TENM3: variants seen among roughly 807,000 people sequenced by gnomAD.
TENM3 encodes teneurin-3.
Under a neutral mutation model 255.1 loss-of-function variants are expected in TENM3, and 63 were observed. The observed-to-expected ratio is 0.25, with a 90% confidence interval of 0.20 to 0.30. The LOEUF (loss-of-function observed/expected upper bound fraction) is 0.30. TENM3 is among the 10% of genes least tolerant of loss of function. The probability of loss-of-function intolerance (pLI) is 1.00; values close to 1 mark genes in which losing one functional copy is unlikely to be tolerated. For synonymous variants in TENM3, 1,306 were observed against 1,322.3 expected (o/e 0.99, Z 0.27); for missense variants, 2,929 against 3,461.1 (o/e 0.85, Z 3.86).
intron 1 of TENM3, among the ~76,000 whole-genome samples, chr4:182,269,300 G>T (rs1759456634): frequency 6.6e-6 from 1 of 152,172 alleles, no homozygotes; most frequent in Non-Finnish European, 1.5e-5. Context: ...CCCTGAAAGG[G>T]ATTCAGATGT....
intron 27 of TENM3, among the ~76,000 whole-genome samples, chr4:182,798,056 G>A (rs1249353757): frequency 6.6e-6 from 1 of 151,968 alleles, no homozygotes; most frequent in African/African-American, 2.4e-5. Flanking sequence ...AATTGAAATG[G>A]GGTCTCACTG....
the TENM3 span, among the ~76,000 whole-genome samples, chr4:181,625,051 T>G: frequency 6.6e-6 from 1 of 152,220 alleles, no homozygotes; most frequent in Non-Finnish European, 1.5e-5. Flanking sequence ...AACTTCACTT[T>G]CCCTGCGTTT....
At chr4:181,518,358 A>C in the TENM3 span, among the ~76,000 whole-genome samples, 3 of 151,882 alleles carry the variant, frequency 2.0e-5, no homozygotes, top group East Asian at 5.8e-4. Flanking sequence ...AAGATGGTAT[A>C]TATTCTTTGC....
the TENM3 span, among the ~76,000 whole-genome samples, chr4:181,934,506 A>C: frequency 6.6e-6 from 1 of 152,170 alleles, no homozygotes; most frequent in African/African-American, 2.4e-5. Flanking sequence ...ACAAGCCATA[A>C]TGTTTATTAG....
At chr4:181,802,570 A>G in the TENM3 span, among the ~76,000 whole-genome samples, 1 of 152,242 alleles carries the variant, frequency 6.6e-6, no homozygotes, top group Non-Finnish European at 1.5e-5. Flanking sequence ...TCTGTGATCA[A>G]AAACTCAAAA....
the TENM3 span, among the ~76,000 whole-genome samples, chr4:181,540,220 C>T: frequency 6.6e-6 from 1 of 151,954 alleles, no homozygotes; most frequent in Admixed American, 6.6e-5. Context: ...GCAATTGGAG[C>T]AACGAATTAA....
the TENM3 span, among the ~76,000 whole-genome samples, chr4:182,082,287 C>A: frequency 4.4e-4 from 67 of 152,102 alleles, no homozygotes; most frequent in Non-Finnish European, 1.5e-4. Flanking sequence ...TCTCTAGGAT[C>A]TCTTTTATAA....
chr4:182,598,382 A>G (rs1747489280), intron 3 of TENM3, among the ~76,000 whole-genome samples: 1 of 152,194 alleles, frequency 6.6e-6, no homozygotes, highest in Admixed American at 6.5e-5. Flanking sequence ...GCCTGGGCAG[A>G]CCATTGGCAA....
Position 182,789,455 on chromosome 4 carries a change from A to G in TENM3, c.5601+66A>G, listed in dbSNP as rs1765934494. The stretch of plus-strand genomic sequence containing the variant: ...TTCACATTTTTCAGCAATCATCCAG[A>G]GCACTAAGGGGAAAAAAAACAGTGG... On this transcript the variant is annotated intron_variant, in intron 25 of 27. Transcript: ENST00000511685. This position sits in a 1 kb window ranked among gnomAD's most constrained non-coding sequence, Gnocchi z 4.4. 2 of 1,450,914 alleles carry G rather than the reference A, an allele frequency of 1.4e-6. No individual in the cohort carries two copies. The highest frequency in any genetic ancestry group is 1.9e-6 in the Non-Finnish European group (2 of 1,071,270). The allele number at this position is 1,450,914 out of a possible 1,614,324, so 89.9% of individuals were successfully genotyped here. A position where few individuals can be genotyped will look rare whatever the true frequency, so the allele number is the denominator to read the frequency against.
the TENM3 span, among the ~76,000 whole-genome samples, chr4:181,692,737 A>C: frequency 1.3e-5 from 2 of 152,196 alleles, no homozygotes; most frequent in African/African-American, 4.8e-5. Context: ...ATGGAGGTAC[A>C]GGATGGTATG....
intron 1 of TENM3, among the ~76,000 whole-genome samples, chr4:182,270,172 A>G (rs531137049): frequency 6.6e-6 from 1 of 152,300 alleles, no homozygotes; most frequent in South Asian, 2.1e-4. Flanking sequence ...CAGAGAGAAT[A>G]GATGGCAACT....
chr4:181,766,512 C>T, the TENM3 span, among the ~76,000 whole-genome samples: 1 of 152,042 alleles, frequency 6.6e-6, no homozygotes, highest in Non-Finnish European at 1.5e-5. Context: ...GCACCAGGTA[C>T]AGAAAAGCAG....
At chr4:182,315,231 T>C (rs1762685283) in intron 1 of TENM3, among the ~76,000 whole-genome samples, 1 of 152,230 alleles carries the variant, frequency 6.6e-6, no homozygotes, top group African/African-American at 2.4e-5. Context: ...AAGTGCTGTT[T>C]ATTCCTTTGT....
intron 3 of TENM3, among the ~76,000 whole-genome samples, chr4:182,348,186 TGGA>T (rs145924086): frequency 0.016 from 2,382 of 152,308 alleles, 26 homozygotes; most frequent in Non-Finnish European, 0.025. Context: ...TATCTTCATT[TGGA>T]AGTTTCAGTT....
chr4:181,979,409 T>C, the TENM3 span, among the ~76,000 whole-genome samples: 3 of 151,932 alleles, frequency 2.0e-5, no homozygotes, highest in Admixed American at 6.6e-5. Flanking sequence ...AAGGCAATTA[T>C]TGATTGATTA....
chr4:181,528,450 C>G, the TENM3 span, among the ~76,000 whole-genome samples: 4 of 152,176 alleles, frequency 2.6e-5, no homozygotes, highest in African/African-American at 9.7e-5. Flanking sequence ...AGAATTACGA[C>G]CTTCTCTTGT....
At chr4:182,572,008 TCTC>T (rs1744430190) in intron 3 of TENM3, among the ~76,000 whole-genome samples, 1 of 152,088 alleles carries the variant, frequency 6.6e-6, no homozygotes, top group Non-Finnish European at 1.5e-5. Context: ...TTCAAGCAAT[TCTC>T]CTGCCTCAGC....
chr4:182,315,574 T>C (rs2726792), intron 1 of TENM3, among the ~76,000 whole-genome samples: 46,257 of 151,984 alleles, frequency 0.3, 7,357 homozygotes, highest in Middle Eastern at 0.39. Context: ...GGTGTAGTTT[T>C]GTTCACATTT....
intron 1 of TENM3, among the ~76,000 whole-genome samples, chr4:182,185,721 C>A (rs765996530): frequency 1.3e-5 from 2 of 152,214 alleles, no homozygotes; most frequent in Non-Finnish European, 1.5e-5. Context: ...ACGATGCCAG[C>A]TGACTTTAAG....
Sources: allele counts gnomAD v4.1 joint callset (sites outside exome capture counted in the v4.1 genomes callset), GRCh38; gene constraint gnomAD v4.1.1; non-coding constraint Gnocchi (gnomAD v3.1); transcripts MANE v1.5; gene names NCBI Gene and HGNC (gene_info 2026-07-23, HGNC 2026-07-21).